The following TENT4A variants were observed in gnomAD, a reference collection of about 807,000 sequenced individuals.
TENT4A encodes terminal nucleotidyltransferase 4A.
A neutral mutation model predicts 72.8 loss-of-function variants in TENT4A; 7 were observed. The ratio of observed to expected loss-of-function variants is 0.10; its 90% confidence interval spans 0.05 to 0.18. The LOEUF (loss-of-function observed/expected upper bound fraction) is 0.18. Ranked by LOEUF, TENT4A falls within the 10% of genes least tolerant of loss-of-function variation. TENT4A has a pLI of 1.00. For missense variants in TENT4A, 831 were observed against 1,017.7 expected (o/e 0.82, Z 2.50); for synonymous variants, 456 against 434.3 (o/e 1.05, Z -0.62).
At chr5:6,733,901 A>G (rs1345765414) in intron 1 of TENT4A, among the ~76,000 whole-genome samples, 1 of 152,222 alleles carries the variant, frequency 6.6e-6, no homozygotes, top group African/African-American at 2.4e-5. Context: ...AATCCAAAAA[A>G]TGTAAAAATG....
intron 10 of TENT4A, 22 bp from the exon 11 acceptor site, chr5:6,751,017 T>C (rs1742368978): frequency 6.2e-7 from 1 of 1,612,780 alleles, no homozygotes; most frequent in African/African-American, 1.3e-5. Flanking sequence ...CTGTCCTTTT[T>C]GTTTTTTGTA....
At chr5:6,718,054 GGTGTGCCTGCA>G (rs1427871448) in intron 1 of TENT4A, among the ~76,000 whole-genome samples, 2 of 152,224 alleles carry the variant, frequency 1.3e-5, no homozygotes, top group Non-Finnish European at 2.9e-5. Context: ...TGCCATCTCA[GGTGTGCCTGCA>G]GTGTGCAGCA....
intron 12 of TENT4A, among the ~76,000 whole-genome samples, chr5:6,754,411 T>G (rs1286382881): frequency 6.6e-6 from 1 of 152,150 alleles, no homozygotes; most frequent in East Asian, 1.9e-4. Flanking sequence ...TCAAGTGACA[T>G]GCCTGCCTCG....
intron 2 of TENT4A, 37 bp from the exon 3 acceptor site, chr5:6,738,646 G>A (rs1281352195): frequency 1.3e-6 from 2 of 1,517,256 alleles, no homozygotes. Context: ...TGCTTGGTTT[G>A]TGGTATACAT....
Position 6,714,367 on chromosome 5 carries a change from CTCG to C in TENT4A, c.393_395del (p.Ser135del). The C allele has an allele frequency of 7.9e-6, 9 of 1,138,874 alleles. No homozygotes were observed. Among genetic ancestry groups the C allele is most frequent in the East Asian group, 4.4e-5 (1 of 22,736 alleles). The allele number at this position is 1,138,874 out of a possible 1,614,324, so 70.5% of individuals were successfully genotyped here. On this transcript the variant is annotated inframe_deletion, in exon 1 of 13. Transcript: ENST00000230859. Reference sequence around the variant, plus strand: ...AGTCGGGCACCGAGAGCCCCGGCTGCTCGTCGTCGTCCTCCAGCAGCGCCTCGC... The same window carrying C: ...AGTCGGGCACCGAGAGCCCCGGCTGCTCGTCGTCCTCCAGCAGCGCCTCGC...
At chr5:6,747,795 G>A (rs907070109) in intron 7 of TENT4A, among the ~76,000 whole-genome samples, 1 of 152,220 alleles carries the variant, frequency 6.6e-6, no homozygotes, top group African/African-American at 2.4e-5. Context: ...TAACCTGATT[G>A]TGAAGAATGA....
intron 2 of TENT4A, among the ~76,000 whole-genome samples, chr5:6,738,001 C>A (rs1429899134): frequency 6.6e-6 from 1 of 151,930 alleles, no homozygotes; most frequent in African/African-American, 2.4e-5. Context: ...TGTCACCCAC[C>A]CCTGCTTCCC....
Position 6,728,958 on chromosome 5 carries a change from C to A in TENT4A, c.717-8552C>A, listed in dbSNP as rs546585804. Among the ~76,000 whole-genome samples, 225 of 152,276 alleles carry A rather than the reference C, an allele frequency of 1.5e-3. 3 individuals carry two copies. The highest frequency in any genetic ancestry group is 2.5e-3 in the Non-Finnish European group (170 of 68,008). ...TGCTTTAAATATGTAGCAAATGTAT[C>A]ATTTCGTATTTTAAAAAAATGCTAG... On this transcript the variant is annotated intron_variant, in intron 1 of 12. Coordinates refer to ENST00000230859, the MANE Select transcript of TENT4A (RefSeq NM_006999.6).
intron 4 of TENT4A, among the ~76,000 whole-genome samples, chr5:6,741,568 T>G (rs1741807493): frequency 6.6e-6 from 1 of 152,224 alleles, no homozygotes; most frequent in Admixed American, 6.5e-5. Context: ...GGGAAAGTAT[T>G]TCTTTCTCTG....
chr5:6,714,339 C>T lies in TENT4A; in HGVS notation c.356C>T (p.Ala119Val). 8.8e-7 allele frequency: 1 copy of T among 1,132,284 alleles called. No individual in the cohort carries two copies. The highest frequency in any genetic ancestry group is 1.1e-6 in the Non-Finnish European group (1 of 924,642). The allele number at this position is 1,132,284 out of a possible 1,614,324, so 70.1% of individuals were successfully genotyped here. Reference protein sequence around the residue: ...SSSSSSSSSNAESGTESPGCS... With the variant: ...SSSSSSSSSNVESGTESPGCS... ...TCGTCGTCGTCCTCCTCGTCCAACGCGGAGTCGGGCACCGAGAGCCCCGGC... is the reference window on the plus strand; with the variant it reads ...TCGTCGTCGTCCTCCTCGTCCAACGTGGAGTCGGGCACCGAGAGCCCCGGC... Residue 119 changes from alanine (A) to valine (V), a missense_variant, in exon 1 of 13, where the codon GCG becomes GTG. Physicochemically the swap from Ala to Val is moderately conservative, Grantham distance 64 (BLOSUM62 0). Coordinates refer to ENST00000230859, the MANE Select transcript of TENT4A (RefSeq NM_006999.6).
At chr5:6,726,603 G>T (rs530838056) in intron 1 of TENT4A, among the ~76,000 whole-genome samples, 1 of 152,226 alleles carries the variant, frequency 6.6e-6, no homozygotes, top group Non-Finnish European at 1.5e-5. Flanking sequence ...GTGTTGAATG[G>T]TCAGGGTCCC....
Position 6,748,610 on chromosome 5 carries a change from C to G in TENT4A, c.1586+20C>G. On this transcript the variant is annotated intron_variant, in intron 8 of 12. Coordinates refer to ENST00000230859, the MANE Select transcript of TENT4A (RefSeq NM_006999.6). ...CGAAAGGTAATGGGTTGTGTGTCTG[C>G]GTCTGGGCTCAGCGTGCCTGTGGGA... 1.2e-6 allele frequency: 2 copies of G among 1,600,554 alleles called. No homozygotes were observed.
rs1188614932 is a variant in TENT4A at position 6,713,569 on chromosome 5, C to T, written c.-415C>T. On this transcript the variant is annotated 5_prime_UTR_variant, in exon 1 of 13. Transcript: ENST00000230859. ...CGGCGCCTCCCGCGGGTCCTTCAGC[C>T]GCTCGGCGCCTGGGCCCGCCCCCTC... The T allele has an allele frequency of 6.8e-6, 1 of 147,906 alleles. No individual in the cohort carries two copies. Among genetic ancestry groups the T allele is most frequent in the African/African-American group, 2.5e-5 (1 of 40,608 alleles). 9.2% of individuals were successfully genotyped at this position (147,906 alleles called of 1,614,324 possible). A position where few individuals can be genotyped will look rare whatever the true frequency, so the allele number is the denominator to read the frequency against.
rs144135037 is a variant in TENT4A at position 6,718,969 on chromosome 5, GA to G, written c.716+4283del. Among the ~76,000 whole-genome samples the G allele has an allele frequency of 9.2e-3, 1,282 of 139,608 alleles. 10 individuals carry two copies. The highest frequency in any genetic ancestry group is 0.024 in the African/African-American group (908 of 38,422). 91.6% of individuals were successfully genotyped at this position (139,608 alleles called of 152,430 possible). A position where few individuals can be genotyped will look rare whatever the true frequency, so the allele number is the denominator to read the frequency against. ...TGAGAGGCCTCCAATCTTTTCGCAG[GA>G]AAAAAAAAAAAAGGCTTAATGCTCG... On this transcript the variant is annotated intron_variant, in intron 1 of 12. Coordinates refer to ENST00000230859, the MANE Select transcript of TENT4A (RefSeq NM_006999.6).
intron 1 of TENT4A, among the ~76,000 whole-genome samples, chr5:6,722,296 C>G (rs1740692321): frequency 6.6e-6 from 1 of 152,204 alleles, no homozygotes; most frequent in Non-Finnish European, 1.5e-5. Context: ...CTTTTCTCCT[C>G]TCTTTAAGGA....
At chr5:6,745,968 G>A (rs1266224910) in intron 6 of TENT4A, 1 of 1,303,450 alleles carries the variant, frequency 7.7e-7, no homozygotes, top group Middle Eastern at 3.0e-4. Context: ...CAGGAAGTTT[G>A]CTGTATGGAT....
rs1742708735 is a variant in TENT4A at position 6,756,500 on chromosome 5, C to T, written c.*1555C>T. 6.6e-6 allele frequency: 1 copy of T among 152,348 alleles called. No homozygotes were observed. Among genetic ancestry groups the T allele is most frequent in the African/African-American group, 2.4e-5 (1 of 41,428 alleles). 9.4% of individuals were successfully genotyped at this position (152,348 alleles called of 1,614,324 possible). A position where few individuals can be genotyped will look rare whatever the true frequency, so the allele number is the denominator to read the frequency against. ...TTGATCTCTGAATGTGATCGACGCC[C>T]AGCAAGGACAAGCTTTAAAATGTCT... is the stretch of plus-strand genomic sequence containing the variant. On this transcript the variant is annotated 3_prime_UTR_variant, in exon 13 of 13. Transcript: ENST00000230859.
chr5:6,746,151 C>G (rs558339199), intron 6 of TENT4A, 63 bp from the exon 7 acceptor site: 15 of 1,611,712 alleles, frequency 9.3e-6, no homozygotes, highest in Non-Finnish European at 1.3e-5. Flanking sequence ...GACTTCGTCG[C>G]GTGCTATTTT....
chr5:6,719,036 T>C (rs564777332), intron 1 of TENT4A, among the ~76,000 whole-genome samples: 1 of 152,290 alleles, frequency 6.6e-6, no homozygotes, highest in African/African-American at 2.4e-5. Flanking sequence ...GTTCTGTCTG[T>C]CTTGCTGCTG....
Sources: allele counts gnomAD v4.1 joint callset (sites outside exome capture counted in the v4.1 genomes callset), GRCh38; gene constraint gnomAD v4.1.1; transcripts MANE v1.5; gene names NCBI Gene and HGNC (gene_info 2026-07-23, HGNC 2026-07-21).